Variants in TAOK3 observed in about 807,000 individuals in gnomAD.
The protein encoded by TAOK3 is serine/threonine-protein kinase TAO3.
TAOK3 carries 40 observed loss-of-function variants against 120.4 expected under a neutral mutation model. That is an observed-to-expected ratio of 0.33 (90% confidence interval 0.26 to 0.43). The LOEUF is 0.43. Ranked by LOEUF, TAOK3 falls within the 20% of genes least tolerant of loss-of-function variation. The probability of loss-of-function intolerance (pLI) is 1.00; values close to 1 mark genes in which losing one functional copy is unlikely to be tolerated. For synonymous variants in TAOK3, 355 were observed against 387.5 expected (o/e 0.92, Z 0.99); for missense variants, 821 against 1,112.1 (o/e 0.74, Z 3.72).
At chr12:118,249,745 T>C (rs896471817) in intron 3 of TAOK3, among the ~76,000 whole-genome samples, 3 of 151,914 alleles carry the variant, frequency 2.0e-5, no homozygotes, top group Non-Finnish European at 4.4e-5. Flanking sequence ...GGCAGTAGGA[T>C]TGCTTGAGTC....
chr12:118,240,820 C>G, intron 5 of TAOK3, among the ~76,000 whole-genome samples: 1 of 151,848 alleles, frequency 6.6e-6, no homozygotes, highest in East Asian at 1.9e-4. Flanking sequence ...CTATAATAAA[C>G]TAGACATAAC....
intron 1 of TAOK3, among the ~76,000 whole-genome samples, chr12:118,276,484 G>A (rs1261352690): frequency 1.3e-5 from 2 of 151,412 alleles, no homozygotes; most frequent in Non-Finnish European, 2.9e-5. Context: ...GGCAGATCAC[G>A]AGGTCAGGAG....
intron 1 of TAOK3, among the ~76,000 whole-genome samples, chr12:118,367,504 T>C (rs1007651201): frequency 1.3e-5 from 2 of 152,072 alleles, no homozygotes; most frequent in Admixed American, 6.6e-5. Flanking sequence ...TCTATAATTA[T>C]AGGTGTATAG....
At position 118,234,212 on chromosome 12, in the gene TAOK3, A is replaced by ATTTTTTTTTTTTTTTTT. The variant is rs763473530; in HGVS notation, c.552-464_552-448dup. ...TTAAAGTAATTAAATAAAGCAGGAAATTTTTTTTTTTTTTTTTTTTTTTTT... is the reference window on the plus strand; with the variant it reads ...TTAAAGTAATTAAATAAAGCAGGAAATTTTTTTTTTTTTTTTTTTTTTTTTTTTTTTTTTTTTTTTTT... On this transcript the variant is annotated intron_variant, in intron 8 of 20. Coordinates refer to ENST00000392533, the MANE Select transcript of TAOK3 (RefSeq NM_016281.4). Among the ~76,000 whole-genome samples the ATTTTTTTTTTTTTTTTT allele has an allele frequency of 2.9e-3, 167 of 58,330 alleles. 25 individuals carry two copies. Among genetic ancestry groups the ATTTTTTTTTTTTTTTTT allele is most frequent in the South Asian group, 3.7e-3 (4 of 1,072 alleles). The allele number at this position is 58,330 out of a possible 152,430, so 38.3% of individuals were successfully genotyped here. A position where few individuals can be genotyped will look rare whatever the true frequency, so the allele number is the denominator to read the frequency against.
chr12:118,269,527 C>T (rs1017472105), intron 1 of TAOK3, among the ~76,000 whole-genome samples: 33 of 151,626 alleles, frequency 2.2e-4, no homozygotes, highest in African/African-American at 6.3e-4. Context: ...TGCACCACCA[C>T]GCCTGGCTAA....
intron 7 of TAOK3, among the ~76,000 whole-genome samples, chr12:118,236,967 C>T (rs1042673561): frequency 4.6e-5 from 7 of 152,076 alleles, no homozygotes; most frequent in African/African-American, 1.7e-4. Flanking sequence ...TGAACTGTAG[C>T]TTTAAATGAG....
At position 118,160,886 on chromosome 12, in the gene TAOK3, C is replaced by T. The variant is rs997322148; in HGVS notation, c.2140-528G>A. 1.4e-4 allele frequency among the ~76,000 whole-genome samples: 22 copies of T among 152,150 alleles called. No individual in the cohort carries two copies. The highest frequency in any genetic ancestry group is 6.2e-4 in the South Asian group (3 of 4,830). On this transcript the variant is annotated intron_variant, in intron 18 of 20. Coordinates refer to ENST00000392533, the MANE Select transcript of TAOK3 (RefSeq NM_016281.4). The surrounding 1 kb of genome is among the most constrained non-coding windows in gnomAD (Gnocchi z 4.2). ...ATATGGATGGTACCTTATATCCTAA[C>T]GCATTTCTACTGGATTTCAGCGTAA...
chr12:118,258,218 T>C (rs1306847434), intron 2 of TAOK3, among the ~76,000 whole-genome samples: 3 of 152,140 alleles, frequency 2.0e-5, no homozygotes, highest in Non-Finnish European at 4.4e-5. Context: ...GTTTAGACTT[T>C]ATCCTGAGGG....
At position 118,372,474 on chromosome 12, in the gene TAOK3, C is replaced by A. The variant is rs1284149651; in HGVS notation, c.-194+174G>T. Among the ~76,000 whole-genome samples, 1 of 151,540 alleles carries A rather than the reference C, an allele frequency of 6.6e-6. No individual in the cohort carries two copies. Among genetic ancestry groups the A allele is most frequent in the Non-Finnish European group, 1.5e-5 (1 of 67,856 alleles). On this transcript the variant is annotated intron_variant, in intron 1 of 20. Transcript: ENST00000392533. This position sits in a 1 kb window ranked among gnomAD's most constrained non-coding sequence, Gnocchi z 4.6. ...CTCTCGGAGTCCTCTCCACTCAGAG[C>A]CACTGCCTCGGTCCCTCTCGGAGTC...
At chr12:118,278,957 C>A (rs1388989396) in intron 1 of TAOK3, among the ~76,000 whole-genome samples, 1 of 149,958 alleles carries the variant, frequency 6.7e-6, no homozygotes, top group Non-Finnish European at 1.5e-5. Context: ...CAGGCATGCA[C>A]CACCACACTC....
At chr12:118,344,215 A>G (rs2044755221) in intron 1 of TAOK3, among the ~76,000 whole-genome samples, 1 of 144,036 alleles carries the variant, frequency 6.9e-6, no homozygotes, top group South Asian at 2.3e-4. Flanking sequence ...TGCAGTCTGA[A>G]TTTTTTTTCC....
chr12:118,153,239 C>T lies in TAOK3; in HGVS notation c.2353-830G>A, dbSNP rs1390827913. ...TTGGGAAATATTGTGAGACCCCCAT[C>T]TATACAAAGATTTTTTAAAAAATTA... On this transcript the variant is annotated intron_variant, in intron 19 of 20. Coordinates refer to ENST00000392533, the MANE Select transcript of TAOK3 (RefSeq NM_016281.4). 2.0e-5 allele frequency among the ~76,000 whole-genome samples: 3 copies of T among 152,106 alleles called. No homozygotes were observed. The East Asian group carries it at 5.8e-4, about 29-fold the overall frequency.
At chr12:118,333,508 A>G (rs1412645054) in intron 1 of TAOK3, among the ~76,000 whole-genome samples, 1 of 152,216 alleles carries the variant, frequency 6.6e-6, no homozygotes, top group Non-Finnish European at 1.5e-5. Flanking sequence ...AATGCATACT[A>G]TTAAATGCTT....
chr12:118,196,050 AAAATAAATAAAT>A (rs200676149), intron 13 of TAOK3, among the ~76,000 whole-genome samples: 51 of 138,202 alleles, frequency 3.7e-4, no homozygotes, highest in Admixed American at 5.1e-4. Flanking sequence ...ACTCCATCTC[AAAATAAATAAAT>A]AAATAAATAA....
chr12:118,201,746 T>A (rs2038034457), intron 11 of TAOK3, among the ~76,000 whole-genome samples: 1 of 152,200 alleles, frequency 6.6e-6, no homozygotes, highest in African/African-American at 2.4e-5. Context: ...GATACACATA[T>A]ATATAGTGAA....
chr12:118,312,395 C>CA (rs377669948), intron 1 of TAOK3, among the ~76,000 whole-genome samples: 3 of 151,866 alleles, frequency 2.0e-5, no homozygotes, highest in Non-Finnish European at 4.4e-5. Flanking sequence ...TGAAAATAAA[C>CA]AATGCTAAGA....
chr12:118,258,928 T>C (rs552585375), intron 2 of TAOK3, among the ~76,000 whole-genome samples: 1 of 152,216 alleles, frequency 6.6e-6, no homozygotes, highest in South Asian at 2.1e-4. Flanking sequence ...TTATAAACTT[T>C]AGAATATTTT....
intron 17 of TAOK3, among the ~76,000 whole-genome samples, chr12:118,166,814 GTATATA>G (rs535817182): frequency 7.2e-6 from 1 of 138,982 alleles, no homozygotes; most frequent in African/African-American, 2.7e-5. Context: ...GTGTGTGTGT[GTATATA>G]TATATATACA....
intron 1 of TAOK3, among the ~76,000 whole-genome samples, chr12:118,305,877 T>G (rs189292685): frequency 0.013 from 1,745 of 132,654 alleles, 17 homozygotes; most frequent in Non-Finnish European, 0.016. Flanking sequence ...CACTCCAGCC[T>G]GGGCAACAGC....
Sources: allele counts gnomAD v4.1 joint callset (sites outside exome capture counted in the v4.1 genomes callset), GRCh38; gene constraint gnomAD v4.1.1; non-coding constraint Gnocchi (gnomAD v3.1); transcripts MANE v1.5; gene names NCBI Gene and HGNC (gene_info 2026-07-23, HGNC 2026-07-21).